The following DKK2 variants were observed in gnomAD, a reference collection of about 807,000 sequenced individuals.
DKK2 encodes dickkopf Wnt signaling pathway inhibitor 2.
Under a neutral mutation model 28.1 loss-of-function variants are expected in DKK2, and 11 were observed. The observed-to-expected ratio is 0.39, with a 90% CI of 0.25 to 0.65. The LOEUF is 0.65. Ranked by LOEUF, DKK2 falls within the 30% of genes least tolerant of loss-of-function variation. The pLI is 0.47. For missense variants in DKK2, 326 were observed against 335.5 expected (o/e 0.97, Z 0.22); for synonymous variants, 135 against 126.5 (o/e 1.07, Z -0.45).
Position 106,923,812 on chromosome 4 carries a change from T to C in DKK2, c.*142A>G. The C allele has an allele frequency of 8.5e-7, 1 of 1,176,678 alleles. No individual in the cohort carries two copies. The highest frequency in any genetic ancestry group is 1.2e-6 in the Non-Finnish European group (1 of 846,272). The allele number at this position is 1,176,678 out of a possible 1,614,324, so 72.9% of individuals were successfully genotyped here. Reference sequence around the variant, plus strand: ...ATCTATTCAGTTCATGTTTTCTTTCTCCCTTTTTGTGATCATCTATATTCT... The same window carrying C: ...ATCTATTCAGTTCATGTTTTCTTTCCCCCTTTTTGTGATCATCTATATTCT... On this transcript the variant is annotated 3_prime_UTR_variant, in exon 4 of 4. Coordinates refer to ENST00000285311, the MANE Select transcript of DKK2 (RefSeq NM_014421.3).
chr4:106,924,719 T>C lies in DKK2; in HGVS notation c.374-19A>G. Reference sequence around the variant, plus strand: ...CAGATGCCTGGAGATGATCATATAATCAGTTAGACTAATTCAATTCTATGA... The same window carrying C: ...CAGATGCCTGGAGATGATCATATAACCAGTTAGACTAATTCAATTCTATGA... On this transcript the variant is annotated intron_variant, in intron 2 of 3. Transcript: ENST00000285311. 1 of 1,606,312 alleles carries C rather than the reference T, an allele frequency of 6.2e-7. No individual in the cohort carries two copies.
At chr4:106,933,728 C>T (rs1033279516) in intron 1 of DKK2, among the ~76,000 whole-genome samples, 9 of 152,136 alleles carry the variant, frequency 5.9e-5, no homozygotes, top group Admixed American at 2.0e-4. Context: ...CATCACCTTT[C>T]TCTTTTCCAA....
chr4:107,015,401 A>T (rs1057484729), intron 1 of DKK2, among the ~76,000 whole-genome samples: 1 of 151,442 alleles, frequency 6.6e-6, no homozygotes, highest in South Asian at 2.1e-4. Flanking sequence ...TGGATTGTTT[A>T]TCTCTCTTGT....
chr4:106,994,037 A>C (rs1470441455), intron 1 of DKK2, among the ~76,000 whole-genome samples: 1 of 152,216 alleles, frequency 6.6e-6, no homozygotes, highest in East Asian at 1.9e-4. Flanking sequence ...AATATCATGC[A>C]TTGTAACCTT....
intron 1 of DKK2, among the ~76,000 whole-genome samples, chr4:106,999,864 T>A (rs1002719622): frequency 6.6e-6 from 1 of 152,182 alleles, no homozygotes; most frequent in Non-Finnish European, 1.5e-5. Context: ...CATTTTAAAT[T>A]TGTCAAGGTT....
intron 1 of DKK2, among the ~76,000 whole-genome samples, chr4:106,982,359 C>A (rs577389028): frequency 1.3e-5 from 2 of 152,166 alleles, no homozygotes; most frequent in South Asian, 4.2e-4. Flanking sequence ...TACTCATCAC[C>A]CCTTCCACTA....
chr4:106,949,643 T>C (rs2110346388), intron 1 of DKK2, among the ~76,000 whole-genome samples: 1 of 152,284 alleles, frequency 6.6e-6, no homozygotes, highest in Non-Finnish European at 1.5e-5. Flanking sequence ...ACTTAACATT[T>C]GTGGGCTTCT....
At chr4:106,979,691 GC>G (rs1175422910) in intron 1 of DKK2, among the ~76,000 whole-genome samples, 3 of 152,256 alleles carry the variant, frequency 2.0e-5, no homozygotes, top group African/African-American at 7.2e-5. Flanking sequence ...AATCATGAGG[GC>G]TTGCACGTGT....
At chr4:106,962,195 G>A (rs193156351) in intron 1 of DKK2, among the ~76,000 whole-genome samples, 75 of 152,124 alleles carry the variant, frequency 4.9e-4, no homozygotes, top group African/African-American at 1.6e-3. Flanking sequence ...TTACAGATTC[G>A]TCCATATTTC....
chr4:106,924,574 C>T lies in DKK2; in HGVS notation c.500G>A (p.Arg167Lys). 1 of 1,613,824 alleles carries T rather than the reference C, an allele frequency of 6.2e-7. No individual in the cohort carries two copies. Among genetic ancestry groups the T allele is most frequent in the Non-Finnish European group, 8.5e-7 (1 of 1,179,828 alleles). Reference sequence around the variant, plus strand: ...TATATGTGACATCTTAGTGTGTGGTCTTCCTAGATTCTGCCATCCCAAGTC... The same window carrying T: ...TATATGTGACATCTTAGTGTGTGGTTTTCCTAGATTCTGCCATCCCAAGTC... ...NHDLGWQNLG[R>K]PHTKMSHIKG... The change falls in exon 3 of 4, where the codon AGA becomes AAA. Residue 167 changes from arginine (R) to lysine (K), a missense_variant. Physicochemically the swap from Arg to Lys is conservative, Grantham distance 26. Coordinates refer to ENST00000285311, the MANE Select transcript of DKK2 (RefSeq NM_014421.3).
chr4:107,025,149 T>C (rs1243206961), intron 1 of DKK2, among the ~76,000 whole-genome samples: 1 of 152,088 alleles, frequency 6.6e-6, no homozygotes, highest in Non-Finnish European at 1.5e-5. Flanking sequence ...AAGATGGATA[T>C]TTCTCTATAT....
chr4:107,017,308 C>A (rs1723624708), intron 1 of DKK2, among the ~76,000 whole-genome samples: 1 of 151,848 alleles, frequency 6.6e-6, no homozygotes, highest in African/African-American at 2.4e-5. Context: ...GATAAAATCC[C>A]TTCTGGATAA....
Position 107,035,791 on chromosome 4 carries a change from C to G in DKK2, c.-200G>C, listed in dbSNP as rs1362157679. On this transcript the variant is annotated 5_prime_UTR_variant, in exon 1 of 4. Transcript: ENST00000285311. ...AGGACAGAAATTAGCGGAACCCAAG[C>G]GAGACCCGCTTCTCCACCAGGACAG... 5 of 597,128 alleles carry G rather than the reference C, an allele frequency of 8.4e-6. No individual in the cohort carries two copies. The highest frequency in any genetic ancestry group is 1.2e-5 in the Non-Finnish European group (4 of 336,768). 37.0% of individuals were successfully genotyped at this position (597,128 alleles called of 1,614,324 possible).
At chr4:106,992,932 A>G (rs1723224835) in intron 1 of DKK2, among the ~76,000 whole-genome samples, 1 of 152,212 alleles carries the variant, frequency 6.6e-6, no homozygotes, top group Non-Finnish European at 1.5e-5. Flanking sequence ...TCTTCTGTGG[A>G]AGAAACAGAG....
At chr4:107,005,340 C>CA (rs35333301) in intron 1 of DKK2, among the ~76,000 whole-genome samples, 11,624 of 72,292 alleles carry the variant, frequency 0.16, 1,090 homozygotes, top group South Asian at 0.23. Context: ...GACTTGGTCT[C>CA]AAAAAAAAAA....
At chr4:106,940,979 G>C (rs558922605) in intron 1 of DKK2, among the ~76,000 whole-genome samples, 57 of 151,960 alleles carry the variant, frequency 3.8e-4, no homozygotes, top group Middle Eastern at 3.4e-3. Context: ...GAGGGGGGAG[G>C]GATAGCATTG....
chr4:106,959,220 G>GT (rs1000325677), intron 1 of DKK2, among the ~76,000 whole-genome samples: 5 of 152,008 alleles, frequency 3.3e-5, no homozygotes, highest in East Asian at 1.9e-4. Flanking sequence ...ATATAAAAGG[G>GT]TTTTTTCTGG....
intron 1 of DKK2, among the ~76,000 whole-genome samples, chr4:106,983,372 A>AAAGAAAGAAAGAAAG (rs1560585856): frequency 4.9e-5 from 7 of 143,972 alleles, no homozygotes; most frequent in African/African-American, 1.8e-4. Flanking sequence ...AAGAAAGAAG[A>AAAGAAAGAAAGAAAG]AAGAAAAGAA....
intron 1 of DKK2, among the ~76,000 whole-genome samples, chr4:106,933,363 TAAC>T (rs1291309386): frequency 1.3e-5 from 2 of 152,180 alleles, no homozygotes; most frequent in Non-Finnish European, 2.9e-5. Flanking sequence ...TCACTGACAA[TAAC>T]AACAATTTCC....
Sources: allele counts gnomAD v4.1 joint callset (sites outside exome capture counted in the v4.1 genomes callset), GRCh38; gene constraint gnomAD v4.1.1; transcripts MANE v1.5; gene names NCBI Gene and HGNC (gene_info 2026-07-23, HGNC 2026-07-21).